The following FGD4 variants were observed in gnomAD, a reference collection of about 807,000 sequenced individuals.
FGD4 encodes the protein FYVE, RhoGEF and PH domain containing 4.
Under a neutral mutation model 102.0 loss-of-function variants are expected in FGD4, and 42 were observed. The observed-to-expected ratio is 0.41, with a 90% CI of 0.32 to 0.53. The LOEUF is 0.53. Ranked by LOEUF, FGD4 falls within the 20% of genes least tolerant of loss-of-function variation. The probability of loss-of-function intolerance (pLI) is 0.21; values close to 1 mark genes in which losing one functional copy is unlikely to be tolerated. For missense variants in FGD4, 902 were observed against 1,078.2 expected, an observed-to-expected ratio of 0.84 and a Z score of 2.29; for synonymous variants, 380 against 375.7, an observed-to-expected ratio of 1.01 and a Z score of -0.13.
chr12:32,497,450 T>A (rs1161252873), intron 1 of FGD4, among the ~76,000 whole-genome samples: 1 of 152,120 alleles, frequency 6.6e-6, no homozygotes, highest in South Asian at 2.1e-4. Context: ...ATAGAAAATA[T>A]CTAAGGAGAT....
chr12:32,562,805 G>C (rs543824123), intron 1 of FGD4, among the ~76,000 whole-genome samples: 38 of 146,852 alleles, frequency 2.6e-4, no homozygotes, highest in African/African-American at 8.8e-4. Flanking sequence ...AGTCTCCCAT[G>C]TCTACTTCTT....
At chr12:32,439,838 C>T (rs1942368027) in intron 1 of FGD4, among the ~76,000 whole-genome samples, 2 of 152,086 alleles carry the variant, frequency 1.3e-5, no homozygotes, top group African/African-American at 4.8e-5. Context: ...TTTCTAGATC[C>T]TGTAGGTGTG....
chr12:32,580,483 G>A (rs1053208770), intron 3 of FGD4, among the ~76,000 whole-genome samples: 3 of 152,122 alleles, frequency 2.0e-5, no homozygotes, highest in East Asian at 1.9e-4. Context: ...CAACCTCACC[G>A]AGTTTTAGTT....
At chr12:32,626,794 G>A (rs999974066) in intron 14 of FGD4, among the ~76,000 whole-genome samples, 3 of 152,150 alleles carry the variant, frequency 2.0e-5, no homozygotes, top group African/African-American at 7.2e-5. Context: ...TGTTGTTCTG[G>A]TGGTGAGAAA....
At chr12:32,607,098 A>G (rs747468738) in intron 7 of FGD4, among the ~76,000 whole-genome samples, 11 of 152,222 alleles carry the variant, frequency 7.2e-5, no homozygotes, top group Admixed American at 2.0e-4. Flanking sequence ...TGAAAAATCT[A>G]TATAGAATGA....
intron 1 of FGD4, among the ~76,000 whole-genome samples, chr12:32,485,126 C>CT (rs2136555949): frequency 6.6e-6 from 1 of 152,270 alleles, no homozygotes; most frequent in South Asian, 2.1e-4. Context: ...AGGTTGGTCT[C>CT]TAATTTCTGG....
chr12:32,448,665 A>T (rs1462660405), intron 1 of FGD4, among the ~76,000 whole-genome samples: 2 of 151,852 alleles, frequency 1.3e-5, no homozygotes, highest in Non-Finnish European at 2.9e-5. Flanking sequence ...TCGCAAAAAA[A>T]AAAAAAAGAA....
chr12:32,573,327 C>T (rs553367080), intron 2 of FGD4, among the ~76,000 whole-genome samples: 6 of 152,092 alleles, frequency 3.9e-5, no homozygotes, highest in East Asian at 3.9e-4. Context: ...GATCTCCTGA[C>T]CTCATGATCC....
chr12:32,577,451 A>G (rs1946219875), intron 3 of FGD4, among the ~76,000 whole-genome samples: 1 of 152,322 alleles, frequency 6.6e-6, no homozygotes, highest in South Asian at 2.1e-4. Context: ...TAGTTTGATT[A>G]TCTTCTGGGA....
At chr12:32,540,621 G>A (rs1942745526) in intron 1 of FGD4, among the ~76,000 whole-genome samples, 1 of 148,516 alleles carries the variant, frequency 6.7e-6, no homozygotes, top group African/African-American at 2.5e-5. Flanking sequence ...GCTGGAGTGT[G>A]ATGGTGTGAT....
chr12:32,615,140 G>A lies in FGD4; in HGVS notation c.1749+3857G>A, dbSNP rs149329236. Among the ~76,000 whole-genome samples the A allele has an allele frequency of 5.3e-5, 8 of 152,144 alleles. No individual in the cohort carries two copies. In the East Asian group the frequency reaches 9.6e-4, roughly 18 times the overall value. ...TTCATGCAATGAAATAGTATATGTCGAGAAAAAGGAATAAAAACTTATATA... is the reference window on the plus strand; with the variant it reads ...TTCATGCAATGAAATAGTATATGTCAAGAAAAAGGAATAAAAACTTATATA... On this transcript the variant is annotated intron_variant, in intron 10 of 16. Coordinates refer to ENST00000534526, the MANE Select transcript of FGD4 (RefSeq NM_001370298.3).
intron 4 of FGD4, among the ~76,000 whole-genome samples, chr12:32,589,065 G>C (rs1947269424): frequency 6.6e-6 from 1 of 152,130 alleles, no homozygotes; most frequent in African/African-American, 2.4e-5. Context: ...CTGTGCCTCA[G>C]TTTCCTCATC....
chr12:32,457,808 C>T (rs931984901), intron 1 of FGD4, among the ~76,000 whole-genome samples: 18 of 152,106 alleles, frequency 1.2e-4, no homozygotes, highest in African/African-American at 4.1e-4. Context: ...CAGTGGAAAC[C>T]AGAAACAGAG....
intron 1 of FGD4, among the ~76,000 whole-genome samples, chr12:32,521,725 T>A (rs544474204): frequency 6.6e-6 from 1 of 152,350 alleles, no homozygotes; most frequent in African/African-American, 2.4e-5. Context: ...CTCTAATTTC[T>A]GCTGTTTTAA....
rs549671243 is a variant in FGD4 at position 32,629,465 on chromosome 12, G to C, written c.2172+3686G>C. Among the ~76,000 whole-genome samples the C allele has an allele frequency of 2.4e-3, 359 of 152,310 alleles. 1 individual carries two copies. The highest frequency in any genetic ancestry group is 3.9e-3 in the Non-Finnish European group (266 of 68,016). ...AGTTTCTCAATTACCCTGTGAGGAA[G>C]GTTCTATTTTCTCCATTATATAATT... On this transcript the variant is annotated intron_variant, in intron 14 of 16. Transcript: ENST00000534526.
In FGD4 at chr12:32,534,290, T is replaced by A. The variant is rs118150480; in HGVS notation, c.167-29847T>A. ...GGCATGTTTTGCATAAGGTCGTCCT[T>A]GGGCAGTAAGTTCGAAGAATGCACT... On this transcript the variant is annotated intron_variant, in intron 1 of 16. Coordinates refer to ENST00000534526, the MANE Select transcript of FGD4 (RefSeq NM_001370298.3). 1.4e-3 allele frequency: 1,793 copies of A among 1,325,554 alleles called. 30 individuals carry two copies. The East Asian group carries it at 0.029, about 22-fold the overall frequency. The allele number at this position is 1,325,554 out of a possible 1,614,324, so 82.1% of individuals were successfully genotyped here.
chr12:32,571,039 G>C (rs748285795), intron 2 of FGD4, among the ~76,000 whole-genome samples: 1 of 152,200 alleles, frequency 6.6e-6, no homozygotes, highest in Non-Finnish European at 1.5e-5. Flanking sequence ...GTTCTTTCGT[G>C]TGTTTTTAAA....
At chr12:32,495,315 T>C (rs1279538044) in intron 1 of FGD4, among the ~76,000 whole-genome samples, 1 of 152,180 alleles carries the variant, frequency 6.6e-6, no homozygotes, top group African/African-American at 2.4e-5. Context: ...CATTAACTAA[T>C]CATGATTCGC....
chr12:32,624,905 T>C, intron 12 of FGD4, 71 bp from the exon 13 acceptor site: 13 of 1,280,486 alleles, frequency 1.0e-5, no homozygotes, highest in South Asian at 4.8e-5. Context: ...TAGATATTTG[T>C]TTGATAAAGT....
Sources: gnomAD v4.1 joint callset for allele counts (sites outside exome capture counted in the v4.1 genomes callset) on GRCh38, gnomAD v4.1.1 for gene constraint, MANE v1.5 for transcripts, NCBI Gene and HGNC (gene_info 2026-07-23, HGNC 2026-07-21) for gene names.